The following CNTN6 variants were observed in gnomAD, a reference collection of about 807,000 sequenced individuals.
CNTN6 encodes contactin 6.
CNTN6 carries 137 observed loss-of-function variants against 122.8 expected under a neutral mutation model. The ratio of observed to expected loss-of-function variants is 1.12; its 90% CI spans 0.97 to 1.29. CNTN6 has a LOEUF of 1.29. Among genes scored for constraint, CNTN6 ranks in the 50% most tolerant of loss-of-function variants. CNTN6 has a pLI of 0.00. For synonymous variants in CNTN6, 570 were observed against 426.0 expected, an observed-to-expected ratio of 1.34 and a Z score of -4.16; for missense variants, 1,634 against 1,223.4, an observed-to-expected ratio of 1.34 and a Z score of -5.01.
chr3:1,201,368 C>A (rs2093869484), intron 2 of CNTN6, among the ~76,000 whole-genome samples: 1 of 152,008 alleles, frequency 6.6e-6, no homozygotes, highest in Non-Finnish European at 1.5e-5. Flanking sequence ...GTTTTAAATT[C>A]TACCCTCCAT....
At position 1,352,269 on chromosome 3, in the gene CNTN6, T is replaced by C. The variant is rs189962896; in HGVS notation, c.1365-55T>C. On this transcript the variant is annotated intron_variant, in intron 11 of 22. Transcript: ENST00000446702. Reference sequence around the variant, plus strand: ...GTTTTAAAATAAAAATAAGCACTTATGATTTACCAGTGTTGAAGAGCCTTA... The same window carrying C: ...GTTTTAAAATAAAAATAAGCACTTACGATTTACCAGTGTTGAAGAGCCTTA... 205 of 1,398,252 alleles carry C rather than the reference T, an allele frequency of 1.5e-4. No homozygotes were observed. The African/African-American group carries it at 2.6e-3, about 18-fold the overall frequency. The allele number at this position is 1,398,252 out of a possible 1,614,324, so 86.6% of individuals were successfully genotyped here.
At chr3:1,173,318 G>C (rs765626339) in intron 2 of CNTN6, 3 of 456,480 alleles carry the variant, frequency 6.6e-6, no homozygotes, top group South Asian at 3.1e-5. Context: ...TTTGCAAAGA[G>C]GTGAGTGTGA....
intron 4 of CNTN6, among the ~76,000 whole-genome samples, chr3:1,260,189 C>A (rs2094822447): frequency 6.6e-6 from 1 of 152,162 alleles, no homozygotes; most frequent in Non-Finnish European, 1.5e-5. Context: ...TTGCAAGTGA[C>A]TTTGTGATGA....
intron 5 of CNTN6, among the ~76,000 whole-genome samples, chr3:1,291,321 C>A (rs1052576522): frequency 2.0e-5 from 3 of 152,130 alleles, no homozygotes; most frequent in African/African-American, 7.2e-5. Context: ...GAAGGACACA[C>A]CACATGTAGG....
chr3:1,113,173 G>A (rs1032153902), intron 1 of CNTN6, among the ~76,000 whole-genome samples: 2 of 152,280 alleles, frequency 1.3e-5, no homozygotes, highest in East Asian at 1.9e-4. Flanking sequence ...TGTGGTAGAA[G>A]TAATATATTG....
chr3:1,120,479 A>T (rs1208981063), intron 1 of CNTN6, among the ~76,000 whole-genome samples: 2 of 151,910 alleles, frequency 1.3e-5, no homozygotes, highest in African/African-American at 4.8e-5. Context: ...TATTGACTCT[A>T]CATATTTTAC....
At chr3:1,223,385 T>A (rs1212851899) in intron 3 of CNTN6, among the ~76,000 whole-genome samples, 2 of 152,194 alleles carry the variant, frequency 1.3e-5, no homozygotes, top group Admixed American at 6.5e-5. Flanking sequence ...ATACAGCAAA[T>A]GAAATCTCAG....
At chr3:1,251,133 A>G (rs1223009438) in intron 4 of CNTN6, among the ~76,000 whole-genome samples, 1 of 152,202 alleles carries the variant, frequency 6.6e-6, no homozygotes, top group Non-Finnish European at 1.5e-5. Flanking sequence ...TTTGGTATTC[A>G]GTACTCAATA....
In CNTN6 at chr3:1,374,090, T is replaced by G. The variant is rs1410573451; in HGVS notation, c.2095+17T>G. 1.2e-6 allele frequency: 2 copies of G among 1,607,896 alleles called. No homozygotes were observed. The highest frequency in any genetic ancestry group is 1.7e-6 in the Non-Finnish European group (2 of 1,175,956). On this transcript the variant is annotated intron_variant, in intron 16 of 22. Transcript: ENST00000446702. ...AAGCATCAGGTAAAGAATCAATGTGTTCTAAAAGTGTGGAAGATTTCGTAT... is the reference window on the plus strand; with the variant it reads ...AAGCATCAGGTAAAGAATCAATGTGGTCTAAAAGTGTGGAAGATTTCGTAT...
intron 11 of CNTN6, among the ~76,000 whole-genome samples, chr3:1,346,932 TG>T (rs1363420194): frequency 1.3e-5 from 2 of 152,172 alleles, no homozygotes; most frequent in Non-Finnish European, 2.9e-5. Context: ...GTAGGACATC[TG>T]TTACTTTTGT....
At chr3:1,155,369 G>T (rs2092939954) in intron 2 of CNTN6, among the ~76,000 whole-genome samples, 1 of 152,150 alleles carries the variant, frequency 6.6e-6, no homozygotes, top group South Asian at 2.1e-4. Flanking sequence ...CCCCAAGACT[G>T]CTTAGGGATA....
At chr3:1,140,716 T>A (rs1055363218) in intron 1 of CNTN6, among the ~76,000 whole-genome samples, 7 of 152,128 alleles carry the variant, frequency 4.6e-5, no homozygotes, top group Admixed American at 1.3e-4. Context: ...TAAAAAAAAA[T>A]TGTAGAAATG....
At chr3:1,302,631 G>T (rs896597285) in intron 7 of CNTN6, among the ~76,000 whole-genome samples, 6 of 152,018 alleles carry the variant, frequency 3.9e-5, no homozygotes, top group African/African-American at 1.4e-4. Flanking sequence ...ATAAAAATTG[G>T]CTTTTGTTAA....
At chr3:1,132,482 T>G (rs544766587) in intron 1 of CNTN6, among the ~76,000 whole-genome samples, 1 of 151,888 alleles carries the variant, frequency 6.6e-6, no homozygotes, top group South Asian at 2.1e-4. Context: ...CCCAGCTCTT[T>G]GAGAAGCTGA....
At chr3:1,199,576 T>C (rs1270204598) in intron 2 of CNTN6, among the ~76,000 whole-genome samples, 1 of 152,080 alleles carries the variant, frequency 6.6e-6, no homozygotes, top group African/African-American at 2.4e-5. Flanking sequence ...CTATTTGAAA[T>C]GTAAAAAAAA....
chr3:1,362,944 A>G lies in CNTN6; in HGVS notation c.1493-9355A>G, dbSNP rs1470045682. 2.6e-5 allele frequency among the ~76,000 whole-genome samples: 4 copies of G among 151,856 alleles called. No individual in the cohort carries two copies. The East Asian group carries it at 7.7e-4, about 29-fold the overall frequency. On this transcript the variant is annotated intron_variant, in intron 12 of 22. Coordinates refer to ENST00000446702, the MANE Select transcript of CNTN6 (RefSeq NM_001289080.2). Reference sequence around the variant, plus strand: ...AAGACTAGCAGTTGATATAACAAAGAAAAAAGGAACCCAGAAGAAAATGAA... The same window carrying G: ...AAGACTAGCAGTTGATATAACAAAGGAAAAAGGAACCCAGAAGAAAATGAA...
intron 4 of CNTN6, among the ~76,000 whole-genome samples, chr3:1,238,419 C>T (rs1048260175): frequency 6.6e-6 from 1 of 152,152 alleles, no homozygotes; most frequent in African/African-American, 2.4e-5. Context: ...GCACCTAACA[C>T]TGGTGCTCCC....
intron 4 of CNTN6, among the ~76,000 whole-genome samples, chr3:1,249,536 G>C (rs1000716092): frequency 1.3e-5 from 2 of 152,312 alleles, no homozygotes; most frequent in Non-Finnish European, 2.9e-5. Context: ...CTCCTAGGCA[G>C]TGTTTCTACT....
chr3:1,372,530 A>G (rs1162324645), intron 13 of CNTN6, 56 bp downstream of exon 13: 6 of 1,384,166 alleles, frequency 4.3e-6, no homozygotes, highest in Non-Finnish European at 4.9e-6. Flanking sequence ...TTTTACATGA[A>G]TCACCATTTT....
Sources: allele counts gnomAD v4.1 joint callset (sites outside exome capture counted in the v4.1 genomes callset), GRCh38; gene constraint gnomAD v4.1.1; transcripts MANE v1.5; gene names NCBI Gene and HGNC (gene_info 2026-07-23, HGNC 2026-07-21).